PTPRD: variants seen among roughly 807,000 people sequenced by gnomAD.
PTPRD encodes the protein receptor-type tyrosine-protein phosphatase delta.
In PTPRD, 34 loss-of-function variants were observed where a neutral mutation model predicts 214.5. The ratio of observed to expected loss-of-function variants is 0.16; its 90% CI spans 0.12 to 0.21. The LOEUF is 0.21. Among genes scored for constraint, PTPRD ranks in the 10% least tolerant of loss-of-function variants. The pLI is 1.00. For synonymous variants in PTPRD, 1,128 were observed against 845.7 expected (o/e 1.33, Z -5.79); for missense variants, 2,545 against 2,398.7 (o/e 1.06, Z -1.27).
In PTPRD at chr9:8,409,588, T is replaced by A. The variant is rs527520169; in HGVS notation, c.4087-4928A>T. ...TGGGAGTAACCTTTTTCAATAATGC[T>A]GAAGTCATTATCTTAAAGCAAAGTC... On this transcript the variant is annotated intron_variant, in intron 35 of 45. Transcript: ENST00000381196. Among the ~76,000 whole-genome samples, 6 of 152,344 alleles carry A rather than the reference T, an allele frequency of 3.9e-5. No homozygotes were observed. The South Asian group carries it at 6.2e-4, about 16-fold the overall frequency.
intron 10 of PTPRD, among the ~76,000 whole-genome samples, chr9:9,060,359 T>C (rs2099704790): frequency 6.6e-6 from 1 of 152,166 alleles, no homozygotes; most frequent in Admixed American, 6.5e-5. Context: ...CAATCACTTC[T>C]AGAAGAATTT....
At chr9:10,062,020 C>T (rs995070195) in intron 3 of PTPRD, among the ~76,000 whole-genome samples, 1 of 142,464 alleles carries the variant, frequency 7.0e-6, no homozygotes, top group African/African-American at 3.1e-5. Context: ...CACTAGAATT[C>T]GAGAACCATT....
At chr9:9,203,446 A>G (rs1188613120) in intron 9 of PTPRD, among the ~76,000 whole-genome samples, 1 of 152,094 alleles carries the variant, frequency 6.6e-6, no homozygotes, top group Non-Finnish European at 1.5e-5. Flanking sequence ...TGTTTTTCAC[A>G]TCATCATCTA....
At chr9:8,858,816 C>CACACACACAG (rs1267828595) in intron 11 of PTPRD, among the ~76,000 whole-genome samples, 2 of 146,482 alleles carry the variant, frequency 1.4e-5, no homozygotes, top group Non-Finnish European at 1.5e-5. Context: ...CACACACACA[C>CACACACACAG]ACACACACAC....
chr9:9,826,473 T>C, intron 5 of PTPRD, among the ~76,000 whole-genome samples: 1 of 151,960 alleles, frequency 6.6e-6, no homozygotes, highest in East Asian at 1.9e-4. Context: ...TATGGTTATT[T>C]TGAGTATGAA....
At chr9:8,829,438 A>C (rs1014527037) in intron 11 of PTPRD, among the ~76,000 whole-genome samples, 1 of 152,158 alleles carries the variant, frequency 6.6e-6, no homozygotes, top group Non-Finnish European at 1.5e-5. Context: ...CTCGAGATTT[A>C]TCATTTTGTG....
intron 6 of PTPRD, among the ~76,000 whole-genome samples, chr9:9,757,337 G>A (rs1298585292): frequency 6.6e-6 from 1 of 152,108 alleles, no homozygotes; most frequent in Non-Finnish European, 1.5e-5. Flanking sequence ...AAAGATGTAA[G>A]GAAGTATACA....
chr9:9,321,463 G>A (rs1053721803), intron 9 of PTPRD, among the ~76,000 whole-genome samples: 1 of 150,904 alleles, frequency 6.6e-6, no homozygotes, highest in Non-Finnish European at 1.5e-5. Flanking sequence ...GCTGAGGCAA[G>A]AGAATGGCTT....
chr9:9,329,660 G>A (rs1253040267), intron 9 of PTPRD, among the ~76,000 whole-genome samples: 1 of 152,106 alleles, frequency 6.6e-6, no homozygotes, highest in Non-Finnish European at 1.5e-5. Flanking sequence ...GAATATAGAA[G>A]AATTACATGG....
chr9:10,494,169 C>G (rs993050594), intron 2 of PTPRD, among the ~76,000 whole-genome samples: 1 of 151,848 alleles, frequency 6.6e-6, no homozygotes, highest in African/African-American at 2.4e-5. Flanking sequence ...CCAGATTATA[C>G]ATTCTTCTTA....
intron 39 of PTPRD, among the ~76,000 whole-genome samples, chr9:8,373,819 T>TGTAC (rs2082280368): frequency 1.2e-4 from 12 of 98,210 alleles, no homozygotes; most frequent in African/African-American, 9.1e-4. Flanking sequence ...TATGTATGTA[T>TGTAC]GTATGTATGT....
chr9:9,281,914 A>G (rs568954513), intron 9 of PTPRD, among the ~76,000 whole-genome samples: 1 of 151,410 alleles, frequency 6.6e-6, no homozygotes, highest in African/African-American at 2.4e-5. Flanking sequence ...AATATTATTC[A>G]GCACTAAAAT....
At chr9:9,710,888 G>A (rs1032523486) in intron 7 of PTPRD, among the ~76,000 whole-genome samples, 1 of 152,106 alleles carries the variant, frequency 6.6e-6, no homozygotes, top group African/African-American at 2.4e-5. Context: ...AGCCAGGGCC[G>A]TGATTTGTAT....
At chr9:8,942,553 C>A (rs530338573) in intron 11 of PTPRD, among the ~76,000 whole-genome samples, 1 of 152,218 alleles carries the variant, frequency 6.6e-6, no homozygotes, top group African/African-American at 2.4e-5. Context: ...AAAATAACAG[C>A]AGTTAAGGGT....
At chr9:9,683,451 C>T (rs540403013) in intron 7 of PTPRD, among the ~76,000 whole-genome samples, 27 of 151,726 alleles carry the variant, frequency 1.8e-4, no homozygotes, top group African/African-American at 5.8e-4. Flanking sequence ...TATAATAATC[C>T]AGGAAAAATA....
At chr9:8,848,313 C>CTTTTTTTTTTTTTTTTTT (rs371491854) in intron 11 of PTPRD, among the ~76,000 whole-genome samples, 11 of 132,680 alleles carry the variant, frequency 8.3e-5, no homozygotes, top group Non-Finnish European at 1.1e-4. Context: ...AAGATTTTTC[C>CTTTTTTTTTTTTTTTTTT]TTTTTTTTTT....
chr9:10,320,603 G>A (rs1247140809), intron 3 of PTPRD, among the ~76,000 whole-genome samples: 2 of 151,960 alleles, frequency 1.3e-5, no homozygotes, highest in African/African-American at 4.8e-5. Flanking sequence ...CCTGCAATAT[G>A]AGAGGTCTCA....
At chr9:8,581,806 G>A (rs1480962393) in intron 14 of PTPRD, among the ~76,000 whole-genome samples, 1 of 139,144 alleles carries the variant, frequency 7.2e-6, no homozygotes, top group African/African-American at 2.7e-5. Context: ...GAGGTGAGGG[G>A]AGGGAAGGGC....
intron 4 of PTPRD, among the ~76,000 whole-genome samples, chr9:9,995,299 G>A (rs997214756): frequency 1.3e-5 from 2 of 152,034 alleles, no homozygotes; most frequent in African/African-American, 2.4e-5. Flanking sequence ...CCCAATATTT[G>A]CAGATGGTGA....
Sources: gnomAD v4.1 joint callset for allele counts (sites outside exome capture counted in the v4.1 genomes callset) on GRCh38, gnomAD v4.1.1 for gene constraint, MANE v1.5 for transcripts, NCBI Gene and HGNC (gene_info 2026-07-23, HGNC 2026-07-21) for gene names.